The following SHROOM3 variants were observed in gnomAD, a reference collection of about 807,000 sequenced individuals.
SHROOM3 encodes the protein shroom family member 3.
Under a neutral mutation model 138.6 loss-of-function variants are expected in SHROOM3, and 47 were observed. The ratio of observed to expected loss-of-function variants is 0.34; its 90% CI spans 0.27 to 0.43. The LOEUF (loss-of-function observed/expected upper bound fraction) is 0.43. Ranked by LOEUF, SHROOM3 falls within the 20% of genes least tolerant of loss-of-function variation. The probability of loss-of-function intolerance (pLI) is 1.00; values close to 1 mark genes in which losing one functional copy is unlikely to be tolerated. For missense variants in SHROOM3, 2,491 were observed against 2,596.5 expected (o/e 0.96, Z 0.88); for synonymous variants, 1,062 against 1,063.3 (o/e 1.00, Z 0.02).
At chr4:76,627,844 T>G (rs1735191435) in intron 2 of SHROOM3, among the ~76,000 whole-genome samples, 1 of 152,044 alleles carries the variant, frequency 6.6e-6, no homozygotes, top group Admixed American at 6.6e-5. Context: ...AGCCCAAAAG[T>G]CTTACTACTA....
chr4:76,741,007 A>T lies in SHROOM3; in HGVS notation c.2834A>T (p.Asp945Val), dbSNP rs368255851. Residue 945 changes from aspartate (D) to valine (V), a missense_variant, in exon 5 of 11, where the codon GAC (aspartate) becomes GTC (valine). By Grantham distance (152) the Asp-to-Val change is radical. This residue lies in a region of SHROOM3 where 1,733 missense variants were observed against 1,661.6 expected (regional missense o/e 1.04). Transcript: ENST00000296043. This position sits in a 1 kb window ranked among gnomAD's most constrained non-coding sequence, Gnocchi z 6.2. ...VLGATSFRRRDLELGAPVASR... is the reference protein window; with the variant it reads ...VLGATSFRRRVLELGAPVASR... Reference sequence around the variant, plus strand: ...GGGGCCACCTCCTTTCGACGTCGAGACCTGGAGCTGGGGGCGCCCGTGGCG... The same window carrying T: ...GGGGCCACCTCCTTTCGACGTCGAGTCCTGGAGCTGGGGGCGCCCGTGGCG... 303 of 1,487,246 alleles carry T rather than the reference A, an allele frequency of 2.0e-4. No homozygotes were observed. Among genetic ancestry groups the T allele is most frequent in the Non-Finnish European group, 2.3e-4 (261 of 1,122,700 alleles). 92.1% of individuals were successfully genotyped at this position (1,487,246 alleles called of 1,614,324 possible). A position where few individuals can be genotyped will look rare whatever the true frequency, so the allele number is the denominator to read the frequency against.
chr4:76,505,614 G>A (rs1732193160), intron 1 of SHROOM3, among the ~76,000 whole-genome samples: 2 of 149,028 alleles, frequency 1.3e-5, no homozygotes. Flanking sequence ...AAATAATATA[G>A]TATAACAACT....
At chr4:76,548,126 A>T (rs1468329802) in intron 1 of SHROOM3, among the ~76,000 whole-genome samples, 1 of 152,160 alleles carries the variant, frequency 6.6e-6, no homozygotes, top group Non-Finnish European at 1.5e-5. Context: ...TCCCTGGGGG[A>T]AAAGCATTCC....
chr4:76,765,684 A>G (rs1327286041), intron 9 of SHROOM3, among the ~76,000 whole-genome samples: 1 of 152,194 alleles, frequency 6.6e-6, no homozygotes, highest in East Asian at 1.9e-4. Context: ...CCCTACAGAC[A>G]TCTATCTAAT....
intron 1 of SHROOM3, among the ~76,000 whole-genome samples, chr4:76,489,705 A>AG (rs1318800054): frequency 6.6e-6 from 1 of 152,188 alleles, no homozygotes; most frequent in African/African-American, 2.4e-5. Flanking sequence ...AGCACAGCCA[A>AG]GAATGGTGCT....
At chr4:76,450,146 C>A (rs1342927864) in intron 1 of SHROOM3, among the ~76,000 whole-genome samples, 1 of 152,164 alleles carries the variant, frequency 6.6e-6, no homozygotes, top group Admixed American at 6.5e-5. Context: ...CAAAAAGCAG[C>A]ACAGAAGAAA....
At chr4:76,496,951 A>T (rs1171906609) in intron 1 of SHROOM3, among the ~76,000 whole-genome samples, 1 of 152,230 alleles carries the variant, frequency 6.6e-6, no homozygotes, top group East Asian at 1.9e-4. Flanking sequence ...ATCTGACTTG[A>T]TAGCATGTAA....
chr4:76,635,569 CT>C (rs1735470822), intron 2 of SHROOM3, among the ~76,000 whole-genome samples: 1 of 152,184 alleles, frequency 6.6e-6, no homozygotes, highest in Non-Finnish European at 1.5e-5. Flanking sequence ...AACTCAGGGA[CT>C]CTTCCAAAGA....
intron 1 of SHROOM3, among the ~76,000 whole-genome samples, chr4:76,482,811 A>G (rs565836430): frequency 2.0e-5 from 3 of 152,336 alleles, no homozygotes; most frequent in Admixed American, 2.0e-4. Context: ...TACATAGACC[A>G]ATGGAACAGA....
chr4:76,641,557 A>C (rs565231234), intron 2 of SHROOM3, among the ~76,000 whole-genome samples: 1 of 152,334 alleles, frequency 6.6e-6, no homozygotes, highest in African/African-American at 2.4e-5. Context: ...TAACATTTGC[A>C]TGTCACAGGC....
intron 2 of SHROOM3, among the ~76,000 whole-genome samples, chr4:76,595,001 T>G (rs1734350671): frequency 6.6e-6 from 1 of 152,216 alleles, no homozygotes; most frequent in African/African-American, 2.4e-5. Flanking sequence ...TGAAAAGCTC[T>G]TAGAGTCAGA....
chr4:76,457,106 C>T (rs542314286), intron 1 of SHROOM3, among the ~76,000 whole-genome samples: 3 of 152,272 alleles, frequency 2.0e-5, no homozygotes, highest in African/African-American at 7.2e-5. Flanking sequence ...ACAGGGGATG[C>T]GATGGCTTGG....
At chr4:76,547,325 G>A (rs1360625829) in intron 1 of SHROOM3, among the ~76,000 whole-genome samples, 1 of 152,176 alleles carries the variant, frequency 6.6e-6, no homozygotes, top group Non-Finnish European at 1.5e-5. Flanking sequence ...TGTGCAACAT[G>A]GAGCAAGTCA....
chr4:76,498,485 AAGG>A (rs547187113), intron 1 of SHROOM3, among the ~76,000 whole-genome samples: 57 of 152,256 alleles, frequency 3.7e-4, no homozygotes, highest in Non-Finnish European at 6.5e-4. Context: ...GGCAGTGTAT[AAGG>A]AGGACTGGTT....
At chr4:76,762,731 T>C (rs977230579) in intron 9 of SHROOM3, among the ~76,000 whole-genome samples, 4 of 152,186 alleles carry the variant, frequency 2.6e-5, no homozygotes, top group African/African-American at 9.7e-5. Flanking sequence ...GCCTTGGGCA[T>C]ACAAACATGA....
intron 2 of SHROOM3, among the ~76,000 whole-genome samples, chr4:76,628,339 A>G (rs2110070953): frequency 6.6e-6 from 1 of 152,242 alleles, no homozygotes. Context: ...AATAGCCTTA[A>G]ATTCAAAGAG....
At chr4:76,765,054 A>C (rs556839716) in intron 9 of SHROOM3, among the ~76,000 whole-genome samples, 1 of 148,372 alleles carries the variant, frequency 6.7e-6, no homozygotes, top group Non-Finnish European at 1.5e-5. Flanking sequence ...CAGATTGGAT[A>C]ATTTCTGTTG....
chr4:76,585,859 T>A (rs915209856), intron 2 of SHROOM3, among the ~76,000 whole-genome samples: 6 of 152,172 alleles, frequency 3.9e-5, no homozygotes, highest in African/African-American at 1.4e-4. Flanking sequence ...TAATTAAAAA[T>A]TGAACTTAAT....
At chr4:76,761,005 TCCTC>T (rs993309666) in intron 9 of SHROOM3, among the ~76,000 whole-genome samples, 1 of 152,242 alleles carries the variant, frequency 6.6e-6, no homozygotes, top group Non-Finnish European at 1.5e-5. Context: ...TCATTGCTTT[TCCTC>T]CCTATCTTAA....
Sources: gnomAD v4.1 joint callset for allele counts (sites outside exome capture counted in the v4.1 genomes callset) on GRCh38, gnomAD v4.1.1 for gene constraint, gnomAD v4.1.1 regional missense constraint, Gnocchi (gnomAD v3.1) non-coding constraint, MANE v1.5 for transcripts, NCBI Gene and HGNC (gene_info 2026-07-23, HGNC 2026-07-21) for gene names.